Variants in PSD2 observed in about 807,000 individuals in gnomAD.
PSD2 encodes PH and SEC7 domain-containing protein 2.
PSD2 carries 38 observed loss-of-function variants against 69.8 expected under a neutral mutation model. That is an observed-to-expected ratio of 0.54 (90% CI 0.42 to 0.71). The LOEUF (loss-of-function observed/expected upper bound fraction) is 0.71. Among genes scored for constraint, PSD2 ranks in the 30% least tolerant of loss-of-function variants. The pLI is 0.00. For missense variants in PSD2, 943 were observed against 1,014.5 expected, an observed-to-expected ratio of 0.93 and a Z score of 0.96; for synonymous variants, 412 against 423.0, an observed-to-expected ratio of 0.97 and a Z score of 0.32.
chr5:139,806,488 C>T (rs1759810170), intron 1 of PSD2, among the ~76,000 whole-genome samples: 1 of 152,228 alleles, frequency 6.6e-6, no homozygotes, highest in South Asian at 2.1e-4. Context: ...GGTTCTGTGC[C>T]TCAGCCTTCC....
intron 9 of PSD2, 146 bp from the exon 10 acceptor site, chr5:139,836,665 G>A: frequency 1.5e-6 from 1 of 662,380 alleles, no homozygotes; most frequent in Non-Finnish European, 2.6e-6. Context: ...CTGTGGTCTG[G>A]AATTGGAATC....
rs1380406924 is a variant in PSD2, at chr5:139,837,182, C to T, written c.1609C>T (p.Arg537Cys). ...CTCCTCCCCAGCGCCCCGTGGGAGG[C>T]GTGGCTGGAAGAAATTCTACGCAGT... ...MDGKRTPRGR[R>C]GWKKFYAVLK... is the part of the protein sequence containing the mutation. The change falls in exon 11 of 15, where the codon CGT becomes TGT. Residue 537 changes from arginine to cysteine, a missense_variant. Around this residue, in one of 3 missense-constraint regions of PSD2, gnomAD observed 312 missense variants for 400.7 expected, o/e 0.78. Transcript: ENST00000274710. The surrounding 1 kb of genome is among the most constrained non-coding windows in gnomAD (Gnocchi z 5.0). The T allele has an allele frequency of 3.1e-6, 5 of 1,613,916 alleles. No individual in the cohort carries two copies. The highest frequency in any genetic ancestry group is 4.2e-6 in the Non-Finnish European group (5 of 1,179,946).
the PSD2 span, among the ~76,000 whole-genome samples, chr5:139,789,995 G>A: frequency 1.8e-4 from 26 of 148,160 alleles, no homozygotes; most frequent in African/African-American, 4.6e-4. Context: ...GCACGGGGCC[G>A]GGCGGGCGCT....
At chr5:139,792,674 G>A (rs1045582921), upstream of PSD2, among the ~76,000 whole-genome samples, 12 of 152,184 alleles carry the variant, frequency 7.9e-5, no homozygotes, top group African/African-American at 2.9e-4. Context: ...TGGCTCCTGG[G>A]TAGGGGGATG....
chr5:139,788,889 C>G, the PSD2 span, among the ~76,000 whole-genome samples: 1 of 152,244 alleles, frequency 6.6e-6, no homozygotes, highest in Non-Finnish European at 1.5e-5. Context: ...TTGCTCTCCT[C>G]CAGGTGACTG....
chr5:139,786,104 C>T, the PSD2 span, among the ~76,000 whole-genome samples: 6 of 151,268 alleles, frequency 4.0e-5, no homozygotes, highest in Non-Finnish European at 7.4e-5. Context: ...AAATAAATAG[C>T]CTGGGCGCTG....
In PSD2 at chr5:139,837,015, T is replaced by C. The variant is rs771188250; in HGVS notation, c.1594+14T>C. 26 of 1,607,976 alleles carry C rather than the reference T, an allele frequency of 1.6e-5. No homozygotes were observed. Among genetic ancestry groups the C allele is most frequent in the Non-Finnish European group, 2.1e-5 (25 of 1,176,000 alleles). ...ATGGCAAGAGGAGTGGGTGTCAGGC[T>C]GGGAGAGGGGCATGGGAGGGAGGCT... On this transcript the variant is annotated intron_variant, in intron 10 of 14. Coordinates refer to ENST00000274710, the MANE Select transcript of PSD2 (RefSeq NM_032289.4). This position sits in a 1 kb window ranked among gnomAD's most constrained non-coding sequence, Gnocchi z 5.0.
chr5:139,770,347 A>T, the PSD2 span, among the ~76,000 whole-genome samples: 1 of 152,188 alleles, frequency 6.6e-6, no homozygotes, highest in Admixed American at 6.6e-5. Flanking sequence ...TCCTGAGGTC[A>T]GGAGCTCGAG....
intron 14 of PSD2, among the ~76,000 whole-genome samples, chr5:139,840,484 C>CA (rs1413356658): frequency 6.6e-6 from 1 of 152,162 alleles, no homozygotes; most frequent in Non-Finnish European, 1.5e-5. Flanking sequence ...CCCTCACCAG[C>CA]ACTGGGCATT....
At chr5:139,816,439 C>T (rs890284346) in intron 4 of PSD2, among the ~76,000 whole-genome samples, 4 of 152,166 alleles carry the variant, frequency 2.6e-5, no homozygotes, top group African/African-American at 9.7e-5. Flanking sequence ...TGCAGTTTGG[C>T]GGTCCTCCTC....
chr5:139,821,223 G>A (rs947130128), intron 5 of PSD2, among the ~76,000 whole-genome samples: 2 of 152,214 alleles, frequency 1.3e-5, no homozygotes, highest in East Asian at 1.9e-4. Context: ...GTGAGCCACC[G>A]CGCCTGGCCC....
intron 5 of PSD2, 151 bp from the exon 6 acceptor site, chr5:139,821,742 G>T: frequency 2.0e-6 from 1 of 489,688 alleles, no homozygotes. Context: ...GGGGGCCAGG[G>T]CCTCCTGGGC....
At chr5:139,841,659 T>C (rs1057330563) in intron 14 of PSD2, among the ~76,000 whole-genome samples, 3 of 152,222 alleles carry the variant, frequency 2.0e-5, no homozygotes, top group Non-Finnish European at 4.4e-5. Flanking sequence ...TATTTCTCCA[T>C]ATCCTCACCA....
At chr5:139,778,156 G>A in the PSD2 span, among the ~76,000 whole-genome samples, 1 of 152,232 alleles carries the variant, frequency 6.6e-6, no homozygotes, top group African/African-American at 2.4e-5. Flanking sequence ...TGGCACTCGA[G>A]GTGTGAAGGA....
the PSD2 span, among the ~76,000 whole-genome samples, chr5:139,758,496 G>T: frequency 1.3e-5 from 2 of 152,206 alleles, no homozygotes; most frequent in Admixed American, 6.5e-5. Context: ...AATCCTGAGG[G>T]TGCTGGAGAG....
chr5:139,772,183 A>C, the PSD2 span, among the ~76,000 whole-genome samples: 1 of 152,222 alleles, frequency 6.6e-6, no homozygotes, highest in East Asian at 1.9e-4. Flanking sequence ...GCGTCCCCAG[A>C]CTGGGTCCTT....
chr5:139,773,767 C>T, the PSD2 span, among the ~76,000 whole-genome samples: 1 of 152,128 alleles, frequency 6.6e-6, no homozygotes, highest in Admixed American at 6.6e-5. Flanking sequence ...GTGAATGATG[C>T]TGTTATGAAT....
intron 1 of PSD2, 32 bp from the exon 2 acceptor site, chr5:139,809,359 G>T: frequency 6.6e-7 from 1 of 1,509,182 alleles, no homozygotes; most frequent in South Asian, 1.3e-5. Flanking sequence ...AGTCCTGTCT[G>T]ACCAGTTCTT....
rs145323532 is a variant in PSD2 at position 139,807,525 on chromosome 5, T to C, written c.-50-1866T>C. Among the ~76,000 whole-genome samples the C allele has an allele frequency of 8.5e-5, 13 of 152,308 alleles. No homozygotes were observed. The East Asian group carries it at 2.5e-3, about 29-fold the overall frequency. ...CAACCTCTAGAGGTCTCCGATGTCC[T>C]AGGATCAGGGCCCAGATATTTTAGA... On this transcript the variant is annotated intron_variant, in intron 1 of 14. Transcript: ENST00000274710.
Sources: allele counts gnomAD v4.1 joint callset (sites outside exome capture counted in the v4.1 genomes callset), GRCh38; gene constraint gnomAD v4.1.1; regional missense constraint gnomAD v4.1.1; non-coding constraint Gnocchi (gnomAD v3.1); transcripts MANE v1.5; gene names NCBI Gene and HGNC (gene_info 2026-07-23, HGNC 2026-07-21).